TMEM25: variants seen among roughly 807,000 people sequenced by gnomAD.
TMEM25 encodes the protein transmembrane protein 25.
In TMEM25, 36 loss-of-function variants were observed where a neutral mutation model predicts 37.0. The observed-to-expected ratio is 0.97, with a 90% CI of 0.75 to 1.28. The LOEUF is 1.28. Among genes scored for constraint, TMEM25 ranks in the 50% most tolerant of loss-of-function variants. TMEM25 has a pLI of 0.00. For synonymous variants in TMEM25, 197 were observed against 203.7 expected (o/e 0.97, Z 0.28); for missense variants, 444 against 477.9 (o/e 0.93, Z 0.66).
chr11:118,546,601 G>A (rs2135469385), downstream of TMEM25: 1 of 173,822 alleles, frequency 5.8e-6, no homozygotes, highest in East Asian at 1.5e-4. Flanking sequence ...TGATGTCTAA[G>A]CCACTCAGTC....
At chr11:118,539,763 G>A (rs1215645167), downstream of TMEM25, among the ~76,000 whole-genome samples, 1 of 151,880 alleles carries the variant, frequency 6.6e-6, no homozygotes, top group Admixed American at 6.6e-5. Flanking sequence ...ATTCACACCT[G>A]TAATACCAGT....
downstream of TMEM25, among the ~76,000 whole-genome samples, chr11:118,536,130 G>A (rs899849116): frequency 2.0e-4 from 31 of 151,324 alleles, no homozygotes; most frequent in African/African-American, 7.0e-4. Context: ...TGCCCACCTC[G>A]GCCTCCCAAA....
At position 118,535,120 on chromosome 11, in the gene TMEM25, G is replaced by A. The variant is rs3741324; in HGVS notation, c.*540G>A. ...CACAGAAACCAACCCCTGACCCAGCGGTACCGGCCAAGCACAAACGTCCTT... is the reference window on the plus strand; with the variant it reads ...CACAGAAACCAACCCCTGACCCAGCAGTACCGGCCAAGCACAAACGTCCTT... On this transcript the variant is annotated 3_prime_UTR_variant, in exon 9 of 9. Coordinates refer to ENST00000313236, the MANE Select transcript of TMEM25 (RefSeq NM_032780.4). 0.14 allele frequency: 143,628 copies of A among 1,016,926 alleles called. 11,554 individuals carry two copies. The highest frequency in any genetic ancestry group is 0.49 in the East Asian group (5,030 of 10,306). 63.0% of individuals were successfully genotyped at this position (1,016,926 alleles called of 1,614,324 possible).
chr11:118,531,278 G>C, intron 1 of TMEM25, 44 bp downstream of exon 1: 3 of 360,052 alleles, frequency 8.3e-6, no homozygotes, highest in Non-Finnish European at 1.0e-5. Context: ...GATGCTCGGC[G>C]ACCCCACCCT....
chr11:118,535,439 C>T lies in TMEM25; in HGVS notation c.*859C>T. ...GGCCCAGAGCCCTCTTTGTGGCTTC[C>T]CCACGTTTGGCCTTCTGGGATTCAC... On this transcript the variant is annotated 3_prime_UTR_variant, in exon 9 of 9. Coordinates refer to ENST00000313236, the MANE Select transcript of TMEM25 (RefSeq NM_032780.4). The T allele has an allele frequency of 6.8e-7, 1 of 1,477,464 alleles. No individual in the cohort carries two copies. Among genetic ancestry groups the T allele is most frequent in the South Asian group, 1.3e-5 (1 of 75,468 alleles). 91.5% of individuals were successfully genotyped at this position (1,477,464 alleles called of 1,614,324 possible).
At chr11:118,545,750 C>T (rs1555066922) in intron 8 of TMEM25, 1 of 1,587,156 alleles carries the variant, frequency 6.3e-7, no homozygotes, top group African/African-American at 1.3e-5. Flanking sequence ...CCTAGAGTGT[C>T]TCTATCCAGA....
At chr11:118,537,335 C>T (rs923775890), downstream of TMEM25, among the ~76,000 whole-genome samples, 5 of 151,162 alleles carry the variant, frequency 3.3e-5, no homozygotes, top group African/African-American at 9.7e-5. Flanking sequence ...AGCAAGACTC[C>T]GTCCAAAAAA....
At chr11:118,542,073 CAAGT>C (rs1402417071) in intron 8 of TMEM25, among the ~76,000 whole-genome samples, 2 of 152,144 alleles carry the variant, frequency 1.3e-5, no homozygotes, top group Admixed American at 6.6e-5. Flanking sequence ...CTCCCACTTA[CAAGT>C]AAGAACATGC....
chr11:118,534,294 T>A lies in TMEM25; in HGVS notation c.966T>A (p.Ala322=). The A allele has an allele frequency of 6.2e-7, 1 of 1,614,126 alleles. No homozygotes were observed. Among genetic ancestry groups the A allele is most frequent in the Non-Finnish European group, 8.5e-7 (1 of 1,180,028 alleles). ...TGAAACCAGCAGACCGGCAGATGGC[T>A]CAGAACAACAGCCGGCCAGAGCTTC... ...RAVKPADRQM[A]QNNSRPELLD... is the part of the protein sequence containing the mutation. The change falls in exon 8 of 9, where the codon GCT becomes GCA. Residue 322 remains alanine (A), a synonymous_variant. Transcript: ENST00000313236. The surrounding 1 kb of genome is among the most constrained non-coding windows in gnomAD (Gnocchi z 4.6).
Position 118,534,783 on chromosome 11 carries a change from C to T in TMEM25, c.*203C>T, listed in dbSNP as rs1591344678. On this transcript the variant is annotated 3_prime_UTR_variant, in exon 9 of 9. Transcript: ENST00000313236. This position sits in a 1 kb window ranked among gnomAD's most constrained non-coding sequence, Gnocchi z 4.6. Reference sequence around the variant, plus strand: ...CCCGCAGGGGCACAGGTATCTTTGGCAAGGCTACCAGTTGGACGTAAGCCC... The same window carrying T: ...CCCGCAGGGGCACAGGTATCTTTGGTAAGGCTACCAGTTGGACGTAAGCCC... 7.1e-7 allele frequency: 1 copy of T among 1,410,650 alleles called. No individual in the cohort carries two copies. The highest frequency in any genetic ancestry group is 9.2e-7 in the Non-Finnish European group (1 of 1,082,890). The allele number at this position is 1,410,650 out of a possible 1,614,324, so 87.4% of individuals were successfully genotyped here.
At chr11:118,541,073 G>A (rs1386638857) in intron 8 of TMEM25, among the ~76,000 whole-genome samples, 1 of 152,144 alleles carries the variant, frequency 6.6e-6, no homozygotes, top group Non-Finnish European at 1.5e-5. Flanking sequence ...ACTTACACGA[G>A]GATGAACTTA....
chr11:118,541,726 T>C (rs1951581709), intron 8 of TMEM25, among the ~76,000 whole-genome samples: 1 of 152,110 alleles, frequency 6.6e-6, no homozygotes, highest in Admixed American at 6.6e-5. Flanking sequence ...CCCATGTTTA[T>C]GTCCATGTGT....
At position 118,545,017 on chromosome 11, in the gene TMEM25, A is replaced by T. The variant is rs1340626078; in HGVS notation, c.1028-1102A>T. 1.9e-6 allele frequency: 3 copies of T among 1,593,468 alleles called. No individual in the cohort carries two copies. In the African/African-American group the frequency reaches 4.0e-5, roughly 21 times the overall value. On this transcript the variant is annotated intron_variant, in intron 8 of 8. Coordinates refer to the TMEM25 transcript ENST00000354284. ...TCAGCGAGAGCTTTAAAATGCTGCA[A>T]GGAAGAGGAGAGGGAATATTGAGTA...
At chr11:118,545,690 G>A in intron 8 of TMEM25, 1 of 1,328,100 alleles carries the variant, frequency 7.5e-7, no homozygotes, top group Non-Finnish European at 1.1e-6. Flanking sequence ...TAAAGTGAAG[G>A]CTGAAACTCA....
chr11:118,536,200 T>C (rs1951507564), downstream of TMEM25, among the ~76,000 whole-genome samples: 1 of 146,490 alleles, frequency 6.8e-6, no homozygotes, highest in Non-Finnish European at 1.5e-5. Context: ...TTTCTTTTCT[T>C]TTTTTTTTTT....
chr11:118,545,598 T>A (rs1304624830), intron 8 of TMEM25: 10 of 1,136,376 alleles, frequency 8.8e-6, no homozygotes, highest in Admixed American at 5.5e-5. Flanking sequence ...GGTGTCGCTA[T>A]GACTTTGGGG....
At chr11:118,540,466 T>G (rs1555065072), downstream of TMEM25, among the ~76,000 whole-genome samples, 2 of 152,266 alleles carry the variant, frequency 1.3e-5, no homozygotes, top group African/African-American at 4.8e-5. Flanking sequence ...TTTGACTTGC[T>G]CATCCATGCT....
Position 118,534,554 on chromosome 11 carries a change from G to T in TMEM25, c.1075G>T (p.Val359Leu). The T allele has an allele frequency of 1.9e-6, 3 of 1,614,188 alleles. No individual in the cohort carries two copies. Among genetic ancestry groups the T allele is most frequent in the Non-Finnish European group, 2.5e-6 (3 of 1,180,024 alleles). ...GGGCTATATCTATCGAGTGTCCAGCGTGAGCAGTGATGAGATCTGGCTCTG... is the reference window on the plus strand; with the variant it reads ...GGGCTATATCTATCGAGTGTCCAGCTTGAGCAGTGATGAGATCTGGCTCTG... The part of the protein sequence containing the change: ...VLGYIYRVSS[V>L]SSDEIWL The change falls in exon 9 of 9, where the codon GTG becomes TTG. Residue 359 changes from valine to leucine, a missense_variant. Coordinates refer to ENST00000313236, the MANE Select transcript of TMEM25 (RefSeq NM_032780.4). The surrounding 1 kb of genome is among the most constrained non-coding windows in gnomAD (Gnocchi z 4.6).
chr11:118,546,557 T>G, downstream of TMEM25: 1 of 195,204 alleles, frequency 5.1e-6, no homozygotes, highest in South Asian at 1.1e-4. Context: ...ACTACTGGAC[T>G]ACTAGCCTCC....
Sources: gnomAD v4.1 joint callset for allele counts (sites outside exome capture counted in the v4.1 genomes callset) on GRCh38, gnomAD v4.1.1 for gene constraint, Gnocchi (gnomAD v3.1) non-coding constraint, MANE v1.5 for transcripts, NCBI Gene and HGNC (gene_info 2026-07-23, HGNC 2026-07-21) for gene names.